CSE1L: variants seen among roughly 807,000 people sequenced by gnomAD.
CSE1L encodes the protein chromosome segregation 1 like, also known as exportin-2.
A neutral mutation model predicts 120.4 loss-of-function variants in CSE1L; 24 were observed. That is an observed-to-expected ratio of 0.20 (90% confidence interval 0.14 to 0.28). CSE1L has a LOEUF of 0.28. CSE1L is among the 10% of genes least tolerant of loss of function. The pLI is 1.00. For synonymous variants in CSE1L, 402 were observed against 398.3 expected, an observed-to-expected ratio of 1.01 and a Z score of -0.11; for missense variants, 830 against 1,145.2, an observed-to-expected ratio of 0.72 and a Z score of 3.97.
intron 14 of CSE1L, among the ~76,000 whole-genome samples, chr20:49,081,213 A>G (rs2092010471): frequency 6.6e-6 from 1 of 151,900 alleles, no homozygotes; most frequent in African/African-American, 2.4e-5. Flanking sequence ...CAAACTCCTG[A>G]CCTCAGGTGA....
chr20:49,087,044 C>G (rs895731552), intron 16 of CSE1L, among the ~76,000 whole-genome samples: 4 of 152,166 alleles, frequency 2.6e-5, no homozygotes, highest in African/African-American at 9.7e-5. Context: ...GTATTTGGGG[C>G]TCTGCTTAGT....
At chr20:49,086,324 G>GATGTATA (rs1389983280) in intron 16 of CSE1L, among the ~76,000 whole-genome samples, 2 of 145,854 alleles carry the variant, frequency 1.4e-5, no homozygotes, top group African/African-American at 5.1e-5. Flanking sequence ...CCCCAACAAT[G>GATGTATA]ATGTATAATT....
intron 24 of CSE1L, among the ~76,000 whole-genome samples, chr20:49,095,312 T>TTTTTTA (rs1278781424): frequency 2.0e-5 from 3 of 152,060 alleles, no homozygotes; most frequent in African/African-American, 4.8e-5. Flanking sequence ...GTGGTAGCAT[T>TTTTTTA]TTTTTATTTT....
intron 8 of CSE1L, among the ~76,000 whole-genome samples, chr20:49,071,813 C>A (rs1295249244): frequency 6.6e-6 from 1 of 151,636 alleles, no homozygotes; most frequent in African/African-American, 2.4e-5. Context: ...AAAAAAAATA[C>A]AAAAATTAGC....
intron 7 of CSE1L, 144 bp from the exon 8 acceptor site, chr20:49,070,061 G>A (rs1284247278): frequency 4.0e-6 from 2 of 500,332 alleles, no homozygotes; most frequent in Non-Finnish European, 3.5e-6. Flanking sequence ...GATGTAGCTG[G>A]AGCAGAGAAT....
chr20:49,096,143 A>G (rs1317795366), intron 24 of CSE1L: 1 of 698,434 alleles, frequency 1.4e-6, no homozygotes, highest in South Asian at 1.5e-5. Context: ...ATCACACCTA[A>G]TAATAGTAAT....
In CSE1L at chr20:49,087,993, T is replaced by G; in HGVS notation, c.1724-16T>G. The G allele has an allele frequency of 6.5e-7, 1 of 1,542,132 alleles. No homozygotes were observed. The highest frequency in any genetic ancestry group is 8.9e-7 in the Non-Finnish European group (1 of 1,128,096). ...AACTAAACTCTATTTGTTTTTGCTG[T>G]TTTTGTATTTTACAGCTATCATGAG... is the stretch of plus-strand genomic sequence containing the variant. On this transcript the variant is annotated splice_polypyrimidine_tract_variant and intron_variant, in intron 16 of 24. Transcript: ENST00000262982.
intron 2 of CSE1L, 92 bp from the exon 3 acceptor site, chr20:49,063,107 CTCT>C (rs1310729554): frequency 4.9e-6 from 3 of 617,546 alleles, no homozygotes; most frequent in Non-Finnish European, 6.8e-6. Flanking sequence ...CTAATCTTTT[CTCT>C]TTTTTTGATT....
intron 6 of CSE1L, 25 bp from the exon 7 acceptor site, chr20:49,068,690 C>T (rs373968948): frequency 2.8e-5 from 42 of 1,516,062 alleles, no homozygotes; most frequent in African/African-American, 4.1e-5. Flanking sequence ...TGCACTAAAA[C>T]CATGTTGCTA....
chr20:49,067,095 A>G (rs749656568), intron 5 of CSE1L, 95 bp from the exon 6 acceptor site: 26 of 597,866 alleles, frequency 4.3e-5, no homozygotes, highest in Admixed American at 6.1e-5. Context: ...AAACCCATCT[A>G]TTCATAGATG....
At chr20:49,047,352 C>G (rs1255331431) in intron 1 of CSE1L, among the ~76,000 whole-genome samples, 1 of 152,004 alleles carries the variant, frequency 6.6e-6, no homozygotes, top group Non-Finnish European at 1.5e-5. Flanking sequence ...ATTCATCTCT[C>G]CCACCCATCT....
At chr20:49,088,298 G>A (rs1488830797) in intron 17 of CSE1L, among the ~76,000 whole-genome samples, 192 bp downstream of exon 17, 2 of 152,210 alleles carry the variant, frequency 1.3e-5, no homozygotes, top group South Asian at 2.1e-4. Context: ...ACCTTTAAGT[G>A]TGTGCTAGAA....
chr20:49,079,650 A>G (rs1169111059), intron 14 of CSE1L, among the ~76,000 whole-genome samples: 3 of 152,048 alleles, frequency 2.0e-5, no homozygotes, highest in East Asian at 1.9e-4. Flanking sequence ...TGGTTCCAGG[A>G]CGCCTGAATA....
At chr20:49,088,133 G>A in intron 17 of CSE1L, 27 bp downstream of exon 17, 1 of 1,503,966 alleles carries the variant, frequency 6.6e-7, no homozygotes, top group Non-Finnish European at 9.2e-7. Context: ...TGAAAGTGGG[G>A]TTCCTTTTTT....
chr20:49,067,609 A>G (rs902749403), intron 6 of CSE1L, among the ~76,000 whole-genome samples: 29 of 152,180 alleles, frequency 1.9e-4, no homozygotes, highest in African/African-American at 5.5e-4. Flanking sequence ...TTATTTGACT[A>G]TGTTTGGAGT....
chr20:49,096,464 C>G lies in CSE1L; in HGVS notation c.*26C>G, dbSNP rs756643294. 4 of 1,547,514 alleles carry G rather than the reference C, an allele frequency of 2.6e-6. No individual in the cohort carries two copies. In the Admixed American group the frequency reaches 6.7e-5, roughly 26 times the overall value. ...ACTGCATTTTTCTAATGGGCTAAAC[C>G]CAGATGGTTTCCTAGGAAATCACAG... On this transcript the variant is annotated 3_prime_UTR_variant, in exon 25 of 25. Coordinates refer to ENST00000262982, the MANE Select transcript of CSE1L (RefSeq NM_001316.4).
chr20:49,080,705 A>G (rs963441733), intron 14 of CSE1L, among the ~76,000 whole-genome samples: 2 of 152,008 alleles, frequency 1.3e-5, no homozygotes, highest in African/African-American at 4.8e-5. Context: ...CGAACCCCCT[A>G]CCTCAGGCGA....
intron 13 of CSE1L, among the ~76,000 whole-genome samples, chr20:49,078,206 T>C (rs1361512648): frequency 2.0e-5 from 3 of 152,216 alleles, no homozygotes; most frequent in Non-Finnish European, 4.4e-5. Context: ...TTCATTAATT[T>C]ATTTCCCTAC....
At chr20:49,060,430 C>T (rs902673797) in intron 2 of CSE1L, among the ~76,000 whole-genome samples, 4 of 150,094 alleles carry the variant, frequency 2.7e-5, no homozygotes, top group Admixed American at 6.7e-5. Flanking sequence ...TGCAGTTAAC[C>T]GAGGCCACTG....
Sources: gnomAD v4.1 joint callset for allele counts (sites outside exome capture counted in the v4.1 genomes callset) on GRCh38, gnomAD v4.1.1 for gene constraint, MANE v1.5 for transcripts, NCBI Gene and HGNC (gene_info 2026-07-23, HGNC 2026-07-21) for gene names.